PXN: variants seen among roughly 807,000 people sequenced by gnomAD.
The protein encoded by PXN is paxillin, also known as testicular tissue protein Li 134.
Under a neutral mutation model 103.6 loss-of-function variants are expected in PXN, and 61 were observed. The observed-to-expected ratio is 0.59, with a 90% CI of 0.48 to 0.73. PXN has a LOEUF of 0.73. Ranked by LOEUF, PXN falls within the 30% of genes least tolerant of loss-of-function variation. The pLI is 0.00. For synonymous variants in PXN, 562 were observed against 607.8 expected (o/e 0.92, Z 1.11); for missense variants, 1,274 against 1,460.3 (o/e 0.87, Z 2.08).
Position 120,217,130 on chromosome 12 carries a change from G to C in PXN, c.1717-14C>G, listed in dbSNP as rs1301242961. 1 of 1,568,264 alleles carries C rather than the reference G, an allele frequency of 6.4e-7. No homozygotes were observed. The highest frequency in any genetic ancestry group is 8.6e-7 in the Non-Finnish European group (1 of 1,163,342). Reference sequence around the variant, plus strand: ...CACAGATCGGATCTAGGGGGAGGGGGAGGGGAGGCTGTCACCGTCCCACTC... The same window carrying C: ...CACAGATCGGATCTAGGGGGAGGGGCAGGGGAGGCTGTCACCGTCCCACTC... On this transcript the variant is annotated splice_polypyrimidine_tract_variant and intron_variant, in intron 7 of 14. Transcript: ENST00000637617. The surrounding 1 kb of genome is among the most constrained non-coding windows in gnomAD (Gnocchi z 4.1).
intron 1 of PXN, chr12:120,226,588 T>A: frequency 8.4e-7 from 1 of 1,193,528 alleles, no homozygotes; most frequent in Non-Finnish European, 1.1e-6. Flanking sequence ...ATTCTAAGCC[T>A]GGGCTTTTGG....
intron 1 of PXN, among the ~76,000 whole-genome samples, chr12:120,237,145 G>GCA (rs1555319256): frequency 1.6e-5 from 2 of 121,466 alleles, no homozygotes; most frequent in African/African-American, 3.7e-5. Context: ...GTGTGTGTGT[G>GCA]TATACACACA....
In PXN at chr12:120,215,964, C is replaced by G; in HGVS notation, c.2302-303G>C. 13 of 1,381,766 alleles carry G rather than the reference C, an allele frequency of 9.4e-6. No individual in the cohort carries two copies. Among genetic ancestry groups the G allele is most frequent in the Non-Finnish European group, 1.2e-5 (13 of 1,068,736 alleles). The allele number at this position is 1,381,766 out of a possible 1,614,324, so 85.6% of individuals were successfully genotyped here. On this transcript the variant is annotated intron_variant, in intron 9 of 14. Coordinates refer to ENST00000637617, the MANE Select transcript of PXN (RefSeq NM_001385981.1). The surrounding 1 kb of genome is among the most constrained non-coding windows in gnomAD (Gnocchi z 4.9). ...GGCCTGGGGGCTGGAAGGGAGGAGA[C>G]AGGTTTCTGGTCTCCCTTCTGGAGT...
Position 120,224,373 on chromosome 12 carries a change from G to A in PXN, c.18C>T (p.Ala6=), listed in dbSNP as rs1220489413. The A allele has an allele frequency of 6.2e-7, 1 of 1,613,540 alleles. No homozygotes were observed. The highest frequency in any genetic ancestry group is 8.5e-7 in the Non-Finnish European group (1 of 1,179,594). Residue 6 remains alanine, a synonymous_variant, in exon 2 of 15, where the codon GCC becomes GCT. Transcript: ENST00000637617. The surrounding 1 kb of genome is among the most constrained non-coding windows in gnomAD (Gnocchi z 5.0). The part of the protein sequence containing the change: MDDLD[A]LLADLESTTS... ...TGGTAGACTCCAAGTCCGCCAGCAG[G>A]GCGTCTGCAAAGAGAAGGCACGGGT...
In PXN at chr12:120,216,925, G is replaced by A. The variant is rs1315860963; in HGVS notation, c.1908C>T (p.Pro636=). The change falls in exon 8 of 15, where the codon CCC becomes CCT. Residue 636 remains proline (P), a synonymous_variant. Coordinates refer to ENST00000637617, the MANE Select transcript of PXN (RefSeq NM_001385981.1). This position sits in a 1 kb window ranked among gnomAD's most constrained non-coding sequence, Gnocchi z 5.1. ...EAEEPAEAAG[P]SAQDWLTEGV... is the part of the protein sequence containing the mutation. ...CCTCGGTCAGCCAGTCCTGGGCAGA[G>A]GGCCCCGCCGCCTCCGCCGGCTCCT... is the stretch of plus-strand genomic sequence containing the variant. The A allele has an allele frequency of 2.0e-6, 3 of 1,531,420 alleles. No homozygotes were observed. The highest frequency in any genetic ancestry group is 1.7e-6 in the Non-Finnish European group (2 of 1,143,342). 94.9% of individuals were successfully genotyped at this position (1,531,420 alleles called of 1,614,324 possible).
intron 1 of PXN, among the ~76,000 whole-genome samples, chr12:120,248,492 T>TCACACACACACACACACACA (rs3221954): frequency 7.8e-6 from 1 of 127,842 alleles, no homozygotes; most frequent in African/African-American, 3.1e-5. Flanking sequence ...CAGATGACTT[T>TCACACACACACACACACACA]CACACACACA....
intron 1 of PXN, among the ~76,000 whole-genome samples, chr12:120,245,736 C>T (rs1173515391): frequency 7.0e-6 from 1 of 143,288 alleles, no homozygotes; most frequent in African/African-American, 2.6e-5. Flanking sequence ...TTCAGTGAGC[C>T]GAGATCGCAC....
chr12:120,219,323 T>A lies in PXN; in HGVS notation c.1600A>T (p.Ser534Cys). The A allele has an allele frequency of 6.3e-7, 1 of 1,598,424 alleles. No individual in the cohort carries two copies. The highest frequency in any genetic ancestry group is 8.5e-7 in the Non-Finnish European group (1 of 1,179,798). ...RPTQGPETPR[S>C]PEGTTEAATQ... Reference sequence around the variant, plus strand: ...GCAGCTTCCGTGGTGCCCTCTGGGCTCCTTGGGGTTTCAGGTCCCTGGGTT... The same window carrying A: ...GCAGCTTCCGTGGTGCCCTCTGGGCACCTTGGGGTTTCAGGTCCCTGGGTT... The change falls in exon 7 of 15, where the codon AGC becomes TGC. Residue 534 changes from serine to cysteine, a missense_variant. This residue lies in a region of PXN where 1,178 missense variants were observed against 1,309.0 expected (regional missense o/e 0.90). Coordinates refer to ENST00000637617, the MANE Select transcript of PXN (RefSeq NM_001385981.1). This position sits in a 1 kb window ranked among gnomAD's most constrained non-coding sequence, Gnocchi z 6.5.
chr12:120,253,684 G>A (rs966546319), intron 1 of PXN, among the ~76,000 whole-genome samples: 6 of 152,168 alleles, frequency 3.9e-5, no homozygotes, highest in South Asian at 2.1e-4. Context: ...AAAAATGATC[G>A]TCAATGGACA....
intron 1 of PXN, among the ~76,000 whole-genome samples, chr12:120,236,185 G>A (rs1202301510): frequency 1.3e-5 from 2 of 152,244 alleles, no homozygotes; most frequent in African/African-American, 2.4e-5. Flanking sequence ...GGCACAACAC[G>A]CTGGGGAAAC....
intron 1 of PXN, among the ~76,000 whole-genome samples, chr12:120,257,953 G>A (rs2136689923): frequency 6.6e-6 from 1 of 152,302 alleles, no homozygotes; most frequent in South Asian, 2.1e-4. Flanking sequence ...AGCACTTTGG[G>A]AGGCCAAGGC....
At position 120,216,601 on chromosome 12, in the gene PXN, G is replaced by A. The variant is rs1883099480; in HGVS notation, c.1993-20C>T. 2 of 1,478,026 alleles carry A rather than the reference G, an allele frequency of 1.4e-6. No homozygotes were observed. Among genetic ancestry groups the A allele is most frequent in the Admixed American group, 2.9e-5 (1 of 34,714 alleles). 91.6% of individuals were successfully genotyped at this position (1,478,026 alleles called of 1,614,324 possible). A position where few individuals can be genotyped will look rare whatever the true frequency, so the allele number is the denominator to read the frequency against. Reference sequence around the variant, plus strand: ...GACAACCTGGGGAGAAGAAAGGAGGGAGAGCGATGAGGAAGAAATCGCCAG... The same window carrying A: ...GACAACCTGGGGAGAAGAAAGGAGGAAGAGCGATGAGGAAGAAATCGCCAG... On this transcript the variant is annotated intron_variant, in intron 8 of 14. Coordinates refer to ENST00000637617, the MANE Select transcript of PXN (RefSeq NM_001385981.1). The surrounding 1 kb of genome is among the most constrained non-coding windows in gnomAD (Gnocchi z 5.1).
Position 120,216,376 on chromosome 12 carries a change from T to C in PXN, c.2198A>G (p.His733Arg). 1 of 1,319,090 alleles carries C rather than the reference T, an allele frequency of 7.6e-7. No individual in the cohort carries two copies. The highest frequency in any genetic ancestry group is 9.6e-7 in the Non-Finnish European group (1 of 1,040,628). The allele number at this position is 1,319,090 out of a possible 1,614,324, so 81.7% of individuals were successfully genotyped here. The change falls in exon 9 of 15, where the codon CAT becomes CGT. Residue 733 changes from histidine to arginine, a missense_variant. Physicochemically the swap from His to Arg is conservative, Grantham distance 29 (BLOSUM62 0). This residue lies in a region of PXN where 1,178 missense variants were observed against 1,309.0 expected (regional missense o/e 0.90). Transcript: ENST00000637617. This position sits in a 1 kb window ranked among gnomAD's most constrained non-coding sequence, Gnocchi z 5.1. Reference protein sequence around the residue: ...SGVQSAGEEPHDEGVQGPALP... With the variant: ...SGVQSAGEEPRDEGVQGPALP... ...GGCAGGGCCCTGCACCCCCTCATCA[T>C]GGGGCTCTTCCCCTGCACTCTGGAC...
chr12:120,256,490 G>A (rs755008846), intron 1 of PXN, among the ~76,000 whole-genome samples: 4 of 150,554 alleles, frequency 2.7e-5, no homozygotes, highest in Admixed American at 6.6e-5. Context: ...TGGGGACATC[G>A]GGGCCACATG....
chr12:120,254,637 G>A (rs546554603), intron 1 of PXN, among the ~76,000 whole-genome samples: 8 of 149,262 alleles, frequency 5.4e-5, no homozygotes, highest in East Asian at 2.0e-4. Context: ...TGCAACCTCC[G>A]CCTCCCAGGT....
At position 120,220,039 on chromosome 12, in the gene PXN, G is replaced by A. The variant is rs761243424; in HGVS notation, c.884C>T (p.Pro295Leu). ...AGGAGGAAGGGAGCAGTATGAGGAC[G>A]GAGCAGAGCTGGACAGCCCCGGGGC... ...LSAPGLSSSA[P>L]SSYCSLPPSP... Residue 295 changes from proline (P) to leucine (L), a missense_variant, in exon 7 of 15, where the codon CCG becomes CTG. By Grantham distance (98) the Pro-to-Leu change is moderately conservative (BLOSUM62 -3). Coordinates refer to ENST00000637617, the MANE Select transcript of PXN (RefSeq NM_001385981.1). The surrounding 1 kb of genome is among the most constrained non-coding windows in gnomAD (Gnocchi z 6.1). The A allele has an allele frequency of 7.4e-6, 11 of 1,495,388 alleles. No homozygotes were observed. In the East Asian group the frequency reaches 9.1e-5, roughly 12 times the overall value. 92.6% of individuals were successfully genotyped at this position (1,495,388 alleles called of 1,614,324 possible). A position where few individuals can be genotyped will look rare whatever the true frequency, so the allele number is the denominator to read the frequency against.
At position 120,216,416 on chromosome 12, in the gene PXN, A is replaced by C; in HGVS notation, c.2158T>G (p.Cys720Gly). The change falls in exon 9 of 15, where the codon TGT becomes GGT. Residue 720 changes from cysteine (C) to glycine (G), a missense_variant. Transcript: ENST00000637617. This position sits in a 1 kb window ranked among gnomAD's most constrained non-coding sequence, Gnocchi z 5.1. ...SSPLGPSAYT[C>G]GSSGVQSAGE... ...GCACTCTGGACCCCAGAAGAACCAC[A>C]GGTATAAGCTGAGGGCCCCAGGGGG... The C allele has an allele frequency of 7.4e-7, 1 of 1,350,494 alleles. No homozygotes were observed. Among genetic ancestry groups the C allele is most frequent in the East Asian group, 3.1e-5 (1 of 32,750 alleles). The allele number at this position is 1,350,494 out of a possible 1,614,324, so 83.7% of individuals were successfully genotyped here.
rs541272967 is a variant in PXN at position 120,215,039 on chromosome 12, C to T, written c.2575-41G>A. ...AATGCGGTCCAGGGCCAAGGCCAGC[C>T]CCGGAGCACCCCCACCCCTGCAGGA... On this transcript the variant is annotated intron_variant, in intron 11 of 14. Coordinates refer to ENST00000637617, the MANE Select transcript of PXN (RefSeq NM_001385981.1). The surrounding 1 kb of genome is among the most constrained non-coding windows in gnomAD (Gnocchi z 4.9). 2 of 1,603,754 alleles carry T rather than the reference C, an allele frequency of 1.2e-6. No homozygotes were observed. Among genetic ancestry groups the T allele is most frequent in the East Asian group, 4.5e-5 (2 of 44,356 alleles).
intron 1 of PXN, chr12:120,226,418 G>C (rs1306113672): frequency 1.0e-5 from 13 of 1,289,080 alleles, no homozygotes; most frequent in Non-Finnish European, 1.3e-5. Flanking sequence ...CAGAGGCAGA[G>C]TCACATCCCA....
Sources: allele counts gnomAD v4.1 joint callset (sites outside exome capture counted in the v4.1 genomes callset), GRCh38; gene constraint gnomAD v4.1.1; regional missense constraint gnomAD v4.1.1; non-coding constraint Gnocchi (gnomAD v3.1); transcripts MANE v1.5; gene names NCBI Gene and HGNC (gene_info 2026-07-23, HGNC 2026-07-21).